Variants in UTS2B observed in about 807,000 individuals in gnomAD.
UTS2B encodes urotensin 2B, also known as urotensin-2B.
In UTS2B, 21 loss-of-function variants were observed where a neutral mutation model predicts 19.2. The observed-to-expected ratio is 1.09, with a 90% CI of 0.78 to 1.58. The LOEUF (loss-of-function observed/expected upper bound fraction) is 1.58. Among genes scored for constraint, UTS2B ranks in the 40% most tolerant of loss-of-function variants. The probability of loss-of-function intolerance (pLI) is 0.00; values close to 1 mark genes in which losing one functional copy is unlikely to be tolerated. For synonymous variants in UTS2B, 57 were observed against 50.2 expected (o/e 1.14, Z -0.58); for missense variants, 138 against 130.3 (o/e 1.06, Z -0.29).
chr3:191,268,932 A>G (rs1369834805), intron 8 of UTS2B, among the ~76,000 whole-genome samples: 1 of 152,234 alleles, frequency 6.6e-6, no homozygotes, highest in Non-Finnish European at 1.5e-5. Flanking sequence ...CACTTTGCAG[A>G]CCACAAAATG....
chr3:191,269,734 C>G (rs1302897071), intron 8 of UTS2B, among the ~76,000 whole-genome samples: 2 of 152,154 alleles, frequency 1.3e-5, no homozygotes, highest in Non-Finnish European at 2.9e-5. Flanking sequence ...TTTCAGATGT[C>G]TTTGAATATC....
intron 4 of UTS2B, among the ~76,000 whole-genome samples, chr3:191,295,692 C>T (rs1444481115): frequency 2.6e-5 from 4 of 151,884 alleles, no homozygotes; most frequent in African/African-American, 9.7e-5. Flanking sequence ...CTCATCTTTA[C>T]CCTAATGTAT....
intron 4 of UTS2B, among the ~76,000 whole-genome samples, chr3:191,296,595 A>G (rs1716864494): frequency 6.6e-6 from 1 of 152,214 alleles, no homozygotes. Context: ...AATATCTAAT[A>G]ATTAAACAAA....
the UTS2B span, among the ~76,000 whole-genome samples, chr3:191,336,630 T>C: frequency 1.3e-5 from 2 of 152,330 alleles, no homozygotes; most frequent in East Asian, 1.9e-4. Flanking sequence ...ATCAGAATGA[T>C]ATGGGGATCC....
chr3:191,289,194 A>G (rs1242977935), intron 4 of UTS2B, among the ~76,000 whole-genome samples: 3 of 151,912 alleles, frequency 2.0e-5, no homozygotes, highest in Non-Finnish European at 4.4e-5. Context: ...TGGATCACGA[A>G]GTCAGGAGAT....
Position 191,323,916 on chromosome 3 carries a change from G to A in UTS2B, c.-586+4715C>T, listed in dbSNP as rs115545600. ...GACAAAGAATGAGTTTTTAGTAATG[G>A]CAAATTCCAGTGAAATACCCTGAGA... On this transcript the variant is annotated intron_variant, in intron 2 of 8. Coordinates refer to ENST00000340524, the MANE Select transcript of UTS2B (RefSeq NM_198152.5). Among the ~76,000 whole-genome samples, 266 of 152,272 alleles carry A rather than the reference G, an allele frequency of 1.7e-3. 2 individuals are homozygous for A. Among genetic ancestry groups the A allele is most frequent in the African/African-American group, 6.0e-3 (249 of 41,552 alleles).
the UTS2B span, among the ~76,000 whole-genome samples, chr3:191,343,841 T>C: frequency 6.6e-6 from 1 of 152,230 alleles, no homozygotes; most frequent in Admixed American, 6.5e-5. Flanking sequence ...ATTTCAAGAA[T>C]TGAACTCCTC....
chr3:191,289,408 C>CAATAAATAAATAAATAAATA (rs373034429), intron 4 of UTS2B, among the ~76,000 whole-genome samples: 11 of 139,312 alleles, frequency 7.9e-5, no homozygotes, highest in Admixed American at 2.9e-4. Context: ...GACTCCATCT[C>CAATAAATAAATAAATAAATA]AATAAATAAA....
chr3:191,334,936 A>G (rs1718093631), upstream of UTS2B, among the ~76,000 whole-genome samples: 1 of 152,194 alleles, frequency 6.6e-6, no homozygotes, highest in Non-Finnish European at 1.5e-5. Context: ...GAACTGTAGG[A>G]AGTCACACTC....
intron 4 of UTS2B, among the ~76,000 whole-genome samples, chr3:191,290,485 G>A (rs1011637937): frequency 3.3e-5 from 5 of 152,116 alleles, no homozygotes; most frequent in Non-Finnish European, 7.4e-5. Context: ...TACAGTAAAA[G>A]AAGACAGTTT....
the UTS2B span, among the ~76,000 whole-genome samples, chr3:191,341,361 C>T: frequency 6.6e-6 from 1 of 152,102 alleles, no homozygotes; most frequent in Non-Finnish European, 1.5e-5. Flanking sequence ...AACATTTATC[C>T]TTATTTTACA....
chr3:191,329,220 C>G lies in UTS2B; in HGVS notation c.-664-511G>C, dbSNP rs1176414889. 5.0e-5 allele frequency: 8 copies of G among 159,382 alleles called. No individual in the cohort carries two copies. In the Admixed American group the frequency reaches 5.2e-4, roughly 10 times the overall value. 9.9% of individuals were successfully genotyped at this position (159,382 alleles called of 1,614,324 possible). ...GGCGGGAGCACAGCGGGGCCCCAGC[C>G]TCAGGCGGCGCGTCACTGAGCACAA... is the stretch of plus-strand genomic sequence containing the variant. On this transcript the variant is annotated intron_variant, in intron 1 of 8. Coordinates refer to ENST00000340524, the MANE Select transcript of UTS2B (RefSeq NM_198152.5).
the UTS2B span, among the ~76,000 whole-genome samples, chr3:191,337,251 A>T: frequency 6.6e-6 from 1 of 152,078 alleles, no homozygotes. Context: ...TGGACAGTTC[A>T]GTTATCGGTA....
At chr3:191,308,992 T>C (rs985569888) in intron 3 of UTS2B, among the ~76,000 whole-genome samples, 2 of 152,324 alleles carry the variant, frequency 1.3e-5, no homozygotes. Flanking sequence ...AAGCACACTA[T>C]ATTTGATCCT....
At chr3:191,284,981 C>T (rs1356210409) in intron 4 of UTS2B, among the ~76,000 whole-genome samples, 1 of 152,112 alleles carries the variant, frequency 6.6e-6, no homozygotes, top group Non-Finnish European at 1.5e-5. Flanking sequence ...TAATTAGTAA[C>T]TTGAAAGCAT....
Position 191,292,886 on chromosome 3 carries a change from C to T in UTS2B, c.-124-10573G>A, listed in dbSNP as rs115112053. ...AAATGCTATTACATTTTGTCAAATG[C>T]CTTTTCCCCTCTATTGAGACGACTA... On this transcript the variant is annotated intron_variant, in intron 4 of 8. Coordinates refer to ENST00000340524, the MANE Select transcript of UTS2B (RefSeq NM_198152.5). Among the ~76,000 whole-genome samples the T allele has an allele frequency of 9.1e-3, 1,383 of 152,072 alleles. 24 individuals are homozygous for T. The highest frequency in any genetic ancestry group is 0.031 in the African/African-American group (1,293 of 41,500).
chr3:191,276,976 C>T (rs1716255139), intron 6 of UTS2B, 132 bp from the exon 7 acceptor site: 1 of 687,716 alleles, frequency 1.5e-6, no homozygotes, highest in African/African-American at 1.8e-5. Flanking sequence ...CCCATCCATT[C>T]CTAATATAAA....
At chr3:191,332,196 A>T (rs1718012476), upstream of UTS2B, among the ~76,000 whole-genome samples, 1 of 152,148 alleles carries the variant, frequency 6.6e-6, no homozygotes. Context: ...GGGTAAGGGG[A>T]TATTTAAAAA....
intron 4 of UTS2B, among the ~76,000 whole-genome samples, chr3:191,293,139 G>A (rs1210819130): frequency 6.6e-6 from 1 of 152,062 alleles, no homozygotes; most frequent in Non-Finnish European, 1.5e-5. Flanking sequence ...CTTTTTATAT[G>A]TTGCTGGACT....
Sources: allele counts gnomAD v4.1 joint callset (sites outside exome capture counted in the v4.1 genomes callset), GRCh38; gene constraint gnomAD v4.1.1; transcripts MANE v1.5; gene names NCBI Gene and HGNC (gene_info 2026-07-23, HGNC 2026-07-21).